The following RARA variants were observed in gnomAD, a reference collection of about 807,000 sequenced individuals.
RARA encodes PML-DDX5-RARA fusion.
A neutral mutation model predicts 42.8 loss-of-function variants in RARA; 5 were observed. The ratio of observed to expected loss-of-function variants is 0.12; its 90% confidence interval spans 0.06 to 0.25. The LOEUF is 0.25. RARA is among the 10% of genes least tolerant of loss of function. The pLI, the probability that RARA is intolerant of heterozygous loss-of-function variation, is 1.00. For missense variants in RARA, 402 were observed against 628.7 expected (o/e 0.64, Z 3.86); for synonymous variants, 256 against 259.5 (o/e 0.99, Z 0.13).
rs146430860 is a variant in RARA, at chr17:40,315,130, GTGTATATATATATATA to G, written c.-363+5846_-363+5861del. Among the ~76,000 whole-genome samples, 188 of 53,974 alleles carry G rather than the reference GTGTATATATATATATA, an allele frequency of 3.5e-3. 1 individual carries two copies. The highest frequency in any genetic ancestry group is 0.011 in the African/African-American group (177 of 16,760). The allele number at this position is 53,974 out of a possible 152,430, so 35.4% of individuals were successfully genotyped here. ...TATATATATATATATATGCTTATATGTGTATATATATATATATATATATATATATATATATATATAT... is the reference window on the plus strand; with the variant it reads ...TATATATATATATATATGCTTATATGTATATATATATATATATATATATAT... On this transcript the variant is annotated intron_variant, in intron 1 of 8. Transcript: ENST00000254066.
chr17:40,315,130 GTGTATATATATATA>G (rs1233280968), intron 1 of RARA, among the ~76,000 whole-genome samples: 17 of 53,976 alleles, frequency 3.1e-4, no homozygotes, highest in African/African-American at 1.0e-3. Context: ...ATGCTTATAT[GTGTATATATATATA>G]TATATATATA....
chr17:40,331,204 CTG>C lies in RARA; in HGVS notation c.-12_-11del. On this transcript the variant is annotated 5_prime_UTR_variant, in exon 2 of 9. Coordinates refer to ENST00000254066, the MANE Select transcript of RARA (RefSeq NM_000964.4). ...GCCAGACTGTCTGCCTCCCTTCTGACTGTGGCCGCTTGGCATGGCCAGCAACA... is the reference window on the plus strand; with the variant it reads ...GCCAGACTGTCTGCCTCCCTTCTGACTGGCCGCTTGGCATGGCCAGCAACA... The C allele has an allele frequency of 5.6e-6, 9 of 1,602,950 alleles. No homozygotes were observed. In the African/African-American group the frequency reaches 1.1e-4, roughly 19 times the overall value.
At chr17:40,342,586 T>A in intron 2 of RARA, 4 of 1,400,452 alleles carry the variant, frequency 2.9e-6, no homozygotes, top group Non-Finnish European at 3.7e-6. Flanking sequence ...GGGTCACCAG[T>A]CGGGGCGAGG....
Position 40,356,331 on chromosome 17 carries a change from C to G in RARA, c.*105C>G, listed in dbSNP as rs746653550. On this transcript the variant is annotated 3_prime_UTR_variant, in exon 9 of 9. Transcript: ENST00000254066. ...CCAGCCCTGCCCCCACCTGCCCTCC[C>G]GGGCAGTACTGGGGACCTTCCCTGG... 3 of 1,258,280 alleles carry G rather than the reference C, an allele frequency of 2.4e-6. No homozygotes were observed. Among genetic ancestry groups the G allele is most frequent in the Admixed American group, 4.0e-5 (2 of 50,622 alleles). The allele number at this position is 1,258,280 out of a possible 1,614,324, so 77.9% of individuals were successfully genotyped here. A position where few individuals can be genotyped will look rare whatever the true frequency, so the allele number is the denominator to read the frequency against.
chr17:40,329,393 A>G (rs1386536234), intron 1 of RARA, among the ~76,000 whole-genome samples: 10 of 147,400 alleles, frequency 6.8e-5, no homozygotes, highest in Non-Finnish European at 1.0e-4. Context: ...TGCAACCTCC[A>G]CCTCCCTGGT....
chr17:40,351,882 C>T lies in RARA; in HGVS notation c.470-28C>T, dbSNP rs2034464453. ...CGAGGCCCTGAGCAGCCTGCAGCTG[C>T]CCTCTTAACCCCCTCTGCCCTCCAC... is the stretch of plus-strand genomic sequence containing the variant. On this transcript the variant is annotated intron_variant, in intron 4 of 8. Transcript: ENST00000254066. This position sits in a 1 kb window ranked among gnomAD's most constrained non-coding sequence, Gnocchi z 4.1. 1 of 1,594,816 alleles carries T rather than the reference C, an allele frequency of 6.3e-7. No homozygotes were observed. The highest frequency in any genetic ancestry group is 8.5e-7 in the Non-Finnish European group (1 of 1,175,072).
chr17:40,353,617 C>T (rs550966131), intron 6 of RARA, among the ~76,000 whole-genome samples: 7 of 152,218 alleles, frequency 4.6e-5, no homozygotes, highest in East Asian at 3.9e-4. Flanking sequence ...CCACCACACC[C>T]GGCTAATTTT....
In RARA at chr17:40,355,714, G is replaced by T. The variant is rs948937607; in HGVS notation, c.1171+293G>T. ...TTCCGAGGGCGGGGATAACATTCGT[G>T]TTTACAGAGGGGTCGGGATGATCCC... On this transcript the variant is annotated intron_variant, in intron 8 of 8. Coordinates refer to ENST00000254066, the MANE Select transcript of RARA (RefSeq NM_000964.4). This position sits in a 1 kb window ranked among gnomAD's most constrained non-coding sequence, Gnocchi z 4.1. Among the ~76,000 whole-genome samples the T allele has an allele frequency of 3.3e-5, 5 of 152,220 alleles. No homozygotes were observed. The highest frequency in any genetic ancestry group is 5.9e-5 in the Non-Finnish European group (4 of 68,026).
chr17:40,343,502 C>T (rs2034147782), intron 2 of RARA, among the ~76,000 whole-genome samples: 1 of 152,220 alleles, frequency 6.6e-6, no homozygotes, highest in Admixed American at 6.5e-5. Flanking sequence ...GGTTGTTGTC[C>T]TGGCCCCAGA....
chr17:40,343,951 G>C (rs1001185385), intron 2 of RARA, among the ~76,000 whole-genome samples: 1 of 152,172 alleles, frequency 6.6e-6, no homozygotes, highest in South Asian at 2.1e-4. Context: ...GGGAGCAGGC[G>C]CAAGGGGGTT....
At chr17:40,338,403 C>G (rs2033921208) in intron 2 of RARA, among the ~76,000 whole-genome samples, 1 of 152,202 alleles carries the variant, frequency 6.6e-6, no homozygotes, top group Non-Finnish European at 1.5e-5. Flanking sequence ...GCTCCCCTCC[C>G]CATTTTGACT....
At position 40,317,241 on chromosome 17, in the gene RARA, C is replaced by T. The variant is rs189292888; in HGVS notation, c.-363+7955C>T. 5.1e-3 allele frequency among the ~76,000 whole-genome samples: 772 copies of T among 152,146 alleles called. 2 individuals are homozygous for T. Among genetic ancestry groups the T allele is most frequent in the Admixed American group, 9.0e-3 (137 of 15,294 alleles). ...CTTCCAGTGGGAAGTTCTGTGGGGG[C>T]ACTTGTGGCCACTTCTCTGCCTGGG... On this transcript the variant is annotated intron_variant, in intron 1 of 8. Transcript: ENST00000254066.
At position 40,345,659 on chromosome 17, in the gene RARA, TCTAGCCCGAGTCCTTCTG is replaced by T. The variant is rs2034241167; in HGVS notation, c.179-2655_179-2638del. 6.6e-6 allele frequency among the ~76,000 whole-genome samples: 1 copy of T among 152,242 alleles called. No homozygotes were observed. The highest frequency in any genetic ancestry group is 2.1e-4 in the South Asian group (1 of 4,832). On this transcript the variant is annotated intron_variant, in intron 2 of 8. Transcript: ENST00000254066. The surrounding 1 kb of genome is among the most constrained non-coding windows in gnomAD (Gnocchi z 4.8). Reference sequence around the variant, plus strand: ...TTGAGCTGAGAAGGTGTGGTCCTTCTCTAGCCCGAGTCCTTCTGCAGGAAGAGGAGAGATTGGTGGGCT... The same window carrying T: ...TTGAGCTGAGAAGGTGTGGTCCTTCTCAGGAAGAGGAGAGATTGGTGGGCT...
chr17:40,331,291 G>T lies in RARA; in HGVS notation c.73G>T (p.Ala25Ser), dbSNP rs371882393. 12 of 1,613,970 alleles carry T rather than the reference G, an allele frequency of 7.4e-6. No individual in the cohort carries two copies. The African/African-American group carries it at 1.5e-4, about 20-fold the overall frequency. The change falls in exon 2 of 9, where the codon GCC (alanine) becomes TCC (serine). Residue 25 changes from alanine to serine, a missense_variant. By Grantham distance (99) the Ala-to-Ser change is moderately conservative. Around this residue, in one of 5 missense-constraint regions of RARA, gnomAD observed 91 missense variants for 105.2 expected, o/e 0.87. Coordinates refer to ENST00000254066, the MANE Select transcript of RARA (RefSeq NM_000964.4). ...HLNGYPVPPY[A>S]FFFPPMLGGL... ...CAATGGGTACCCGGTGCCTCCCTACGCCTTCTTCTTCCCCCCTATGCTGGG... is the reference window on the plus strand; with the variant it reads ...CAATGGGTACCCGGTGCCTCCCTACTCCTTCTTCTTCCCCCCTATGCTGGG...
chr17:40,351,812 T>C lies in RARA; in HGVS notation c.470-98T>C. On this transcript the variant is annotated intron_variant, in intron 4 of 8. Coordinates refer to ENST00000254066, the MANE Select transcript of RARA (RefSeq NM_000964.4). The surrounding 1 kb of genome is among the most constrained non-coding windows in gnomAD (Gnocchi z 4.1). ...GTGTGCGCGTGCTTACAAGCCTGGG[T>C]GACCTCCTCAGCAGCTGGCAGCTCT... 6.7e-7 allele frequency: 1 copy of C among 1,485,340 alleles called. No homozygotes were observed. Among genetic ancestry groups the C allele is most frequent in the South Asian group, 1.3e-5 (1 of 79,112 alleles). 92.0% of individuals were successfully genotyped at this position (1,485,340 alleles called of 1,614,324 possible).
chr17:40,324,057 A>T (rs2033469764), intron 1 of RARA, among the ~76,000 whole-genome samples: 1 of 151,576 alleles, frequency 6.6e-6, no homozygotes, highest in Non-Finnish European at 1.5e-5. Flanking sequence ...ATTGTGAGAG[A>T]GCTGTGCTTC....
intron 1 of RARA, among the ~76,000 whole-genome samples, chr17:40,315,114 A>G (rs1205673301): frequency 7.3e-6 from 1 of 137,074 alleles, no homozygotes; most frequent in Non-Finnish European, 1.5e-5. Flanking sequence ...ATATATATAT[A>G]TATATATGCT....
intron 1 of RARA, among the ~76,000 whole-genome samples, chr17:40,313,854 G>A (rs2033141697): frequency 6.6e-5 from 10 of 152,102 alleles, no homozygotes; most frequent in Admixed American, 5.9e-4. Flanking sequence ...TGCAGTGTGT[G>A]AGAAATCAAT....
In RARA at chr17:40,355,781, C is replaced by CA. The variant is rs1263916812; in HGVS notation, c.1172-227dup. On this transcript the variant is annotated intron_variant, in intron 8 of 8. Coordinates refer to ENST00000254066, the MANE Select transcript of RARA (RefSeq NM_000964.4). The surrounding 1 kb of genome is among the most constrained non-coding windows in gnomAD (Gnocchi z 4.1). ...GGAAGGAAGGGCTTGGCGTCTAGCC[C>CA]AGGCCGGCAGTCTGGCCCTGGAGCC... Among the ~76,000 whole-genome samples, 1 of 152,240 alleles carries CA rather than the reference C, an allele frequency of 6.6e-6. No individual in the cohort carries two copies. Among genetic ancestry groups the CA allele is most frequent in the Non-Finnish European group, 1.5e-5 (1 of 68,032 alleles).
Sources: allele counts gnomAD v4.1 joint callset (sites outside exome capture counted in the v4.1 genomes callset), GRCh38; gene constraint gnomAD v4.1.1; regional missense constraint gnomAD v4.1.1; non-coding constraint Gnocchi (gnomAD v3.1); transcripts MANE v1.5; gene names NCBI Gene and HGNC (gene_info 2026-07-23, HGNC 2026-07-21).